Variants in CNIH3 observed in about 807,000 individuals in gnomAD.
CNIH3 encodes protein cornichon homolog 3.
A neutral mutation model predicts 24.1 loss-of-function variants in CNIH3; 14 were observed. The observed-to-expected ratio is 0.58, with a 90% CI of 0.38 to 0.91. CNIH3 has a LOEUF of 0.91. Among genes scored for constraint, CNIH3 ranks in the 40% least tolerant of loss-of-function variants. The pLI, the probability that CNIH3 is intolerant of heterozygous loss-of-function variation, is 0.00. For synonymous variants in CNIH3, 68 were observed against 73.8 expected (o/e 0.92, Z 0.40); for missense variants, 178 against 196.8 (o/e 0.90, Z 0.57).
At chr1:224,666,346 A>G (rs1685597636) in intron 1 of CNIH3, among the ~76,000 whole-genome samples, 1 of 152,212 alleles carries the variant, frequency 6.6e-6, no homozygotes, top group African/African-American at 2.4e-5. Context: ...GGGTTCCAGC[A>G]GGGTCATGTC....
intron 4 of CNIH3, chr1:224,575,238 C>T (rs556602809): frequency 1.4e-5 from 19 of 1,339,696 alleles, no homozygotes; most frequent in Non-Finnish European, 1.7e-5. Flanking sequence ...GTCTGTGACA[C>T]CAGAATGCAT....
In CNIH3 at chr1:224,690,951, G is replaced by A. The variant is rs117519697; in HGVS notation, c.198+6108G>A. On this transcript the variant is annotated intron_variant, in intron 3 of 5. Transcript: ENST00000272133. ...TCCCAGAGCCACAGCTCTGTCTTAC[G>A]GAGGAGTTATGATGTGAAGTGAGGC... 6.3e-4 allele frequency among the ~76,000 whole-genome samples: 96 copies of A among 152,288 alleles called. 2 individuals carry two copies. The East Asian group carries it at 0.015, about 24-fold the overall frequency.
At chr1:224,697,907 G>A (rs1360996783) in intron 3 of CNIH3, among the ~76,000 whole-genome samples, 1 of 152,128 alleles carries the variant, frequency 6.6e-6, no homozygotes, top group Non-Finnish European at 1.5e-5. Context: ...CCTGTACCTA[G>A]GTGGGGACAA....
chr1:224,555,070 G>A (rs1680083564), intron 3 of CNIH3, among the ~76,000 whole-genome samples: 1 of 152,106 alleles, frequency 6.6e-6, no homozygotes, highest in Non-Finnish European at 1.5e-5. Context: ...GTAGTGTCCT[G>A]GAATCAATCC....
At chr1:224,687,277 G>A (rs6426149) in intron 3 of CNIH3, among the ~76,000 whole-genome samples, 2,357 of 152,228 alleles carry the variant, frequency 0.015, 64 homozygotes, top group African/African-American at 0.054. Flanking sequence ...TGCCACCTAG[G>A]CTGGAGTGCA....
chr1:224,462,205 CT>C (rs1309271391), intron 1 of CNIH3, among the ~76,000 whole-genome samples: 5 of 152,184 alleles, frequency 3.3e-5, no homozygotes, highest in Admixed American at 1.3e-4. Context: ...TTGGTTCACT[CT>C]TACCCTAATG....
intron 3 of CNIH3, among the ~76,000 whole-genome samples, chr1:224,548,906 G>C (rs1203940518): frequency 6.6e-6 from 1 of 151,790 alleles, no homozygotes; most frequent in East Asian, 1.9e-4. Context: ...TAATATCACA[G>C]TGGTTATACA....
intron 1 of CNIH3, among the ~76,000 whole-genome samples, chr1:224,438,654 A>T (rs972957848): frequency 6.6e-6 from 1 of 152,176 alleles, no homozygotes; most frequent in Non-Finnish European, 1.5e-5. Flanking sequence ...TTTCTTTGGA[A>T]CACTAAAATT....
chr1:224,552,737 G>C (rs753534739), intron 3 of CNIH3, among the ~76,000 whole-genome samples: 2 of 151,172 alleles, frequency 1.3e-5, no homozygotes, highest in Non-Finnish European at 3.0e-5. Flanking sequence ...ATATATCTTA[G>C]ATATTATGAA....
chr1:224,533,310 G>T (rs1236162232), intron 2 of CNIH3, among the ~76,000 whole-genome samples: 2 of 151,370 alleles, frequency 1.3e-5, no homozygotes, highest in Non-Finnish European at 1.5e-5. Flanking sequence ...CTAGCTACTT[G>T]GGAGGCTGAG....
chr1:224,613,752 C>T (rs185239166), upstream of CNIH3, among the ~76,000 whole-genome samples: 16 of 152,310 alleles, frequency 1.1e-4, no homozygotes, highest in Admixed American at 2.0e-4. Context: ...GCTTCACCTT[C>T]TACCATGAAT....
At chr1:224,674,793 T>C (rs1686055956) in intron 1 of CNIH3, among the ~76,000 whole-genome samples, 1 of 150,978 alleles carries the variant, frequency 6.6e-6, no homozygotes, top group African/African-American at 2.4e-5. Flanking sequence ...CCTCTGGCTC[T>C]GTCTCTCCTG....
At chr1:224,584,223 A>G (rs888852175) in intron 5 of CNIH3, among the ~76,000 whole-genome samples, 4 of 152,246 alleles carry the variant, frequency 2.6e-5, no homozygotes, top group African/African-American at 9.6e-5. Context: ...AGAAAGTTAC[A>G]ATACACAGAA....
intron 1 of CNIH3, among the ~76,000 whole-genome samples, chr1:224,441,612 TAAC>T (rs1674918571): frequency 6.6e-6 from 1 of 152,352 alleles, no homozygotes; most frequent in Admixed American, 6.5e-5. Flanking sequence ...TTATGACTGT[TAAC>T]AACAAATTCT....
chr1:224,490,444 T>C (rs1236479494), intron 1 of CNIH3, among the ~76,000 whole-genome samples: 1 of 152,216 alleles, frequency 6.6e-6, no homozygotes, highest in African/African-American at 2.4e-5. Context: ...TGCTCCCCCA[T>C]GGGATGTGGC....
At chr1:224,557,706 C>T (rs1238254170) in intron 3 of CNIH3, among the ~76,000 whole-genome samples, 1 of 152,172 alleles carries the variant, frequency 6.6e-6, no homozygotes, top group African/African-American at 2.4e-5. Context: ...ATCCACTTGC[C>T]TCGGCCTCCC....
Position 224,739,507 on chromosome 1 carries a change from C to T in CNIH3, c.*151C>T, listed in dbSNP as rs892699103. On this transcript the variant is annotated 3_prime_UTR_variant, in exon 6 of 6. Transcript: ENST00000272133. Reference sequence around the variant, plus strand: ...TCAGACTGAATGGGAGCTGGAATCACGCAGCAGCTGGGAGCCGAGTTAACC... The same window carrying T: ...TCAGACTGAATGGGAGCTGGAATCATGCAGCAGCTGGGAGCCGAGTTAACC... The T allele has an allele frequency of 3.1e-5, 44 of 1,441,738 alleles. No homozygotes were observed. The highest frequency in any genetic ancestry group is 3.0e-4 in the African/African-American group (21 of 69,626). 89.3% of individuals were successfully genotyped at this position (1,441,738 alleles called of 1,614,324 possible).
chr1:224,702,496 A>G (rs1687552242), intron 3 of CNIH3, among the ~76,000 whole-genome samples: 1 of 152,226 alleles, frequency 6.6e-6, no homozygotes, highest in Non-Finnish European at 1.5e-5. Flanking sequence ...CAGCGTCACC[A>G]TGACTGGATG....
At chr1:224,652,214 G>A (rs1228450687) in intron 1 of CNIH3, among the ~76,000 whole-genome samples, 1 of 152,092 alleles carries the variant, frequency 6.6e-6, no homozygotes, top group Non-Finnish European at 1.5e-5. Flanking sequence ...CCTGTGTGCT[G>A]CCTCTGGCCA....
Sources: allele counts gnomAD v4.1 joint callset (sites outside exome capture counted in the v4.1 genomes callset), GRCh38; gene constraint gnomAD v4.1.1; transcripts MANE v1.5; gene names NCBI Gene and HGNC (gene_info 2026-07-23, HGNC 2026-07-21).